PRH1: variants seen among roughly 807,000 people sequenced by gnomAD.
PRH1 encodes the protein salivary acidic proline-rich phosphoprotein 1/2.
PRH1 carries 7 observed loss-of-function variants against 7.9 expected under a neutral mutation model. The ratio of observed to expected loss-of-function variants is 0.89; its 90% CI spans 0.50 to 1.67. PRH1 has a LOEUF of 1.67. Among genes scored for constraint, PRH1 ranks in the 40% most tolerant of loss-of-function variants. PRH1 has a pLI of 0.00. For synonymous variants in PRH1, 45 were observed against 80.8 expected, an observed-to-expected ratio of 0.56 and a Z score of 2.38; for missense variants, 109 against 223.6, an observed-to-expected ratio of 0.49 and a Z score of 3.27.
At position 10,910,871 on chromosome 12, in the gene PRH1, G is replaced by T. The variant is rs1452306577; in HGVS notation, c.-58-26596C>A. 2.6e-5 allele frequency among the ~76,000 whole-genome samples: 4 copies of T among 152,080 alleles called. No homozygotes were observed. The East Asian group carries it at 7.7e-4, about 29-fold the overall frequency. The stretch of plus-strand genomic sequence containing the variant: ...TGAATGTTTGTATTTTATTACTCAT[G>T]CAATCTTTATTGGGTGATCTACAGA... On this transcript the variant is annotated intron_variant, in intron 2 of 3. Transcript: ENST00000539853.
intron 1 of PRH1, among the ~76,000 whole-genome samples, chr12:11,099,634 T>C (rs1365334698): frequency 1.3e-5 from 2 of 151,892 alleles, no homozygotes; most frequent in Admixed American, 6.6e-5. Flanking sequence ...GAGGTGGAGG[T>C]TGCAGTGAGC....
At position 11,045,637 on chromosome 12, in the gene PRH1, T is replaced by TATGTCC. The variant is rs1209105329; in HGVS notation, c.-126+1377_-126+1382dup. On this transcript the variant is annotated intron_variant, in intron 1 of 3. Coordinates refer to the PRH1 transcript ENST00000539853. ...TCTGTTTACTGATAAGGTAAATTAATATGTCCACATAATGTTAAAATACCA... is the reference window on the plus strand; with the variant it reads ...TCTGTTTACTGATAAGGTAAATTAATATGTCCATGTCCACATAATGTTAAAATACCA... 8.2e-5 allele frequency among the ~76,000 whole-genome samples: 12 copies of TATGTCC among 146,576 alleles called. No homozygotes were observed. In the South Asian group the frequency reaches 2.3e-3, roughly 28 times the overall value.
chr12:11,065,520 G>T (rs1436964520), intron 1 of PRH1, among the ~76,000 whole-genome samples: 1 of 152,060 alleles, frequency 6.6e-6, no homozygotes, highest in Non-Finnish European at 1.5e-5. Flanking sequence ...TTCATTCTGG[G>T]CAGTTATCTT....
At position 11,099,868 on chromosome 12, in the gene PRH1, C is replaced by T. The variant is rs1030902816; in HGVS notation, n.124-52680G>A. Among the ~76,000 whole-genome samples, 8 of 152,024 alleles carry T rather than the reference C, an allele frequency of 5.3e-5. No homozygotes were observed. The East Asian group carries it at 1.3e-3, about 26-fold the overall frequency. On this transcript the variant is annotated intron_variant and non_coding_transcript_variant, in intron 1 of 4. Transcript: ENST00000541977. Reference sequence around the variant, plus strand: ...CTTTGTTGTGTCAGGAATTGAGGAGCCGAAAGAAAAAGTAGATGGGGAATG... The same window carrying T: ...CTTTGTTGTGTCAGGAATTGAGGAGTCGAAAGAAAAAGTAGATGGGGAATG...
intron 1 of PRH1, among the ~76,000 whole-genome samples, chr12:11,169,045 T>C (rs966097543): frequency 3.9e-5 from 6 of 152,160 alleles, no homozygotes; most frequent in African/African-American, 1.4e-4. Flanking sequence ...AGTATAAAAA[T>C]ATTAAGCAGT....
At chr12:10,974,363 C>G (rs551597705) in intron 1 of PRH1, among the ~76,000 whole-genome samples, 1 of 152,284 alleles carries the variant, frequency 6.6e-6, no homozygotes, top group South Asian at 2.1e-4. Flanking sequence ...CAACAAAGTG[C>G]TTAGGCTGGC....
At chr12:10,946,122 T>C (rs1337249526) in intron 2 of PRH1, among the ~76,000 whole-genome samples, 1 of 152,206 alleles carries the variant, frequency 6.6e-6, no homozygotes, top group Non-Finnish European at 1.5e-5. Flanking sequence ...CTTATGAAGA[T>C]GATGGGATTA....
chr12:10,964,605 A>G, intron 2 of PRH1: 1 of 403,694 alleles, frequency 2.5e-6, no homozygotes, highest in Non-Finnish European at 4.7e-6. Flanking sequence ...CTAAAATTCC[A>G]AATCGATGTG....
intron 1 of PRH1, among the ~76,000 whole-genome samples, chr12:11,124,551 TTAAC>T (rs1323653637): frequency 6.6e-6 from 1 of 152,296 alleles, no homozygotes; most frequent in East Asian, 1.9e-4. Flanking sequence ...TGCACTACAC[TTAAC>T]TTTCTAAATC....
intron 1 of PRH1, among the ~76,000 whole-genome samples, chr12:11,099,266 T>C (rs571235708): frequency 1.1e-4 from 16 of 152,240 alleles, no homozygotes; most frequent in African/African-American, 3.9e-4. Flanking sequence ...CCATTTACCA[T>C]GAGAATATCG....
At chr12:11,012,371 C>G (rs1335674198) in intron 1 of PRH1, among the ~76,000 whole-genome samples, 1 of 152,102 alleles carries the variant, frequency 6.6e-6, no homozygotes, top group Non-Finnish European at 1.5e-5. Flanking sequence ...TACGAATTCT[C>G]TCTACCTCAG....
At chr12:11,032,090 C>A (rs1165506012) in intron 1 of PRH1, among the ~76,000 whole-genome samples, 11 of 152,292 alleles carry the variant, frequency 7.2e-5, no homozygotes, top group African/African-American at 2.6e-4. Flanking sequence ...ACTGTCTGTT[C>A]TTGTTATAGG....
chr12:11,110,167 T>G (rs1282109141), intron 1 of PRH1, among the ~76,000 whole-genome samples: 1 of 152,204 alleles, frequency 6.6e-6, no homozygotes, highest in Non-Finnish European at 1.5e-5. Context: ...TATTGGACTA[T>G]GTGAAAAGAC....
At chr12:11,114,254 C>A (rs1945670069) in intron 1 of PRH1, among the ~76,000 whole-genome samples, 1 of 152,054 alleles carries the variant, frequency 6.6e-6, no homozygotes, top group Non-Finnish European at 1.5e-5. Flanking sequence ...TGGGACCAAC[C>A]CAAATGCCCA....
At chr12:11,130,547 A>T (rs1946308905) in intron 1 of PRH1, among the ~76,000 whole-genome samples, 1 of 152,214 alleles carries the variant, frequency 6.6e-6, no homozygotes, top group Non-Finnish European at 1.5e-5. Context: ...TCTACAGAAG[A>T]TATAGGCTCT....
intron 1 of PRH1, among the ~76,000 whole-genome samples, chr12:10,984,718 T>G: frequency 6.6e-6 from 1 of 152,156 alleles, no homozygotes; most frequent in African/African-American, 2.4e-5. Context: ...CTCCAAGAAT[T>G]AATACAGTTT....
At chr12:10,973,483 G>T (rs1938931814) in intron 2 of PRH1, 1 of 494,982 alleles carries the variant, frequency 2.0e-6, no homozygotes, top group Non-Finnish European at 3.6e-6. Context: ...TCAGCCTTAG[G>T]ATAGCCATCT....
intron 1 of PRH1, among the ~76,000 whole-genome samples, chr12:11,142,557 G>C (rs967544204): frequency 6.6e-6 from 1 of 152,018 alleles, no homozygotes; most frequent in East Asian, 1.9e-4. Flanking sequence ...ATGGTCAATT[G>C]CTTTCAAAAA....
intron 1 of PRH1, among the ~76,000 whole-genome samples, chr12:11,112,474 C>A (rs1301336193): frequency 6.6e-6 from 1 of 152,144 alleles, no homozygotes; most frequent in Non-Finnish European, 1.5e-5. Context: ...TCGTCTTCAA[C>A]CCTGGGATGC....
Sources: gnomAD v4.1 joint callset for allele counts (sites outside exome capture counted in the v4.1 genomes callset) on GRCh38, gnomAD v4.1.1 for gene constraint, MANE v1.5 for transcripts, NCBI Gene and HGNC (gene_info 2026-07-23, HGNC 2026-07-21) for gene names.